Variants in TRPC7 observed in about 807,000 individuals in gnomAD.
TRPC7 encodes the protein short transient receptor potential channel 7.
In TRPC7, 42 loss-of-function variants were observed where a neutral mutation model predicts 90.1. The ratio of observed to expected loss-of-function variants is 0.47; its 90% CI spans 0.36 to 0.60. TRPC7 has a LOEUF of 0.60. Among genes scored for constraint, TRPC7 ranks in the 20% least tolerant of loss-of-function variants. The pLI is 0.00. For missense variants in TRPC7, 955 were observed against 1,112.3 expected (o/e 0.86, Z 2.01); for synonymous variants, 451 against 436.3 (o/e 1.03, Z -0.42).
intron 7 of TRPC7, among the ~76,000 whole-genome samples, chr5:136,232,243 T>C (rs542557433): frequency 5.3e-5 from 8 of 152,298 alleles, no homozygotes; most frequent in Non-Finnish European, 1.0e-4. Context: ...CCATTTCTTC[T>C]CAGACTCCAC....
chr5:136,316,382 TG>T (rs1580946459), intron 2 of TRPC7, among the ~76,000 whole-genome samples: 1 of 152,248 alleles, frequency 6.6e-6, no homozygotes, highest in Non-Finnish European at 1.5e-5. Flanking sequence ...TGTGCTTTTT[TG>T]TGTGCCAGAA....
rs755269044 is a variant in TRPC7, at chr5:136,357,126, T to C, written c.262A>G (p.Asn88Asp). The C allele has an allele frequency of 1.2e-6, 2 of 1,614,154 alleles. No individual in the cohort carries two copies. The highest frequency in any genetic ancestry group is 1.7e-6 in the Non-Finnish European group (2 of 1,180,028). The change falls in exon 2 of 12, where the codon AAC becomes GAC. Residue 88 changes from asparagine to aspartate, a missense_variant. Transcript: ENST00000513104. ...AGCTCCGTGACCTCTAGGTGCTCGT[T>C]GCCCACGGCCAGCTGCAGAGCGTTC... ...GQNALQLAVG[N>D]EHLEVTELLL...
At chr5:136,297,370 C>G (rs1054067269) in intron 3 of TRPC7, among the ~76,000 whole-genome samples, 2 of 151,996 alleles carry the variant, frequency 1.3e-5, no homozygotes, top group Non-Finnish European at 2.9e-5. Flanking sequence ...CAACACCTAT[C>G]AGAAGAAGAG....
intron 3 of TRPC7, among the ~76,000 whole-genome samples, chr5:136,294,689 G>C (rs191587316): frequency 6.6e-6 from 1 of 152,310 alleles, no homozygotes; most frequent in African/African-American, 2.4e-5. Flanking sequence ...TTACACTGTT[G>C]GTGGGACTGT....
At chr5:136,311,276 G>T (rs1297819792) in intron 3 of TRPC7, among the ~76,000 whole-genome samples, 1 of 152,172 alleles carries the variant, frequency 6.6e-6, no homozygotes, top group Non-Finnish European at 1.5e-5. Context: ...GATCATCCCT[G>T]TAAGCCCAGA....
At chr5:136,304,613 T>G (rs1044758974) in intron 3 of TRPC7, among the ~76,000 whole-genome samples, 1 of 152,164 alleles carries the variant, frequency 6.6e-6, no homozygotes, top group Non-Finnish European at 1.5e-5. Flanking sequence ...CTCTCTTTGC[T>G]TTCACTTAGA....
chr5:136,298,383 G>A (rs376275641), intron 3 of TRPC7, among the ~76,000 whole-genome samples: 1 of 152,242 alleles, frequency 6.6e-6, no homozygotes, highest in South Asian at 2.1e-4. Flanking sequence ...GAGTTAGACA[G>A]GGAGGCAAGG....
chr5:136,216,530 T>C (rs1755274671), intron 10 of TRPC7, among the ~76,000 whole-genome samples: 1 of 152,172 alleles, frequency 6.6e-6, no homozygotes, highest in African/African-American at 2.4e-5. Context: ...GGCAGGAAGC[T>C]GAGCCAAGCA....
intron 3 of TRPC7, among the ~76,000 whole-genome samples, chr5:136,286,614 A>G (rs1757728006): frequency 1.3e-5 from 2 of 152,238 alleles, no homozygotes; most frequent in Non-Finnish European, 2.9e-5. Flanking sequence ...TGATGTTAGC[A>G]TAAGAACATC....
At chr5:136,295,821 A>G (rs561085040) in intron 3 of TRPC7, among the ~76,000 whole-genome samples, 1 of 152,212 alleles carries the variant, frequency 6.6e-6, no homozygotes, top group South Asian at 2.1e-4. Flanking sequence ...CTTATTTTCT[A>G]CCTCCAAAAT....
At chr5:136,351,581 C>T (rs2149858294) in intron 2 of TRPC7, among the ~76,000 whole-genome samples, 1 of 152,276 alleles carries the variant, frequency 6.6e-6, no homozygotes, top group East Asian at 1.9e-4. Context: ...TTGTTGTCTC[C>T]CTGGCTGCAC....
intron 1 of TRPC7, among the ~76,000 whole-genome samples, chr5:136,360,297 A>T (rs771807078): frequency 2.0e-5 from 3 of 152,134 alleles, no homozygotes; most frequent in Non-Finnish European, 2.9e-5. Context: ...AAAACAAAAC[A>T]AAACAAAACA....
chr5:136,297,821 A>G (rs1464780505), intron 3 of TRPC7, among the ~76,000 whole-genome samples: 1 of 152,182 alleles, frequency 6.6e-6, no homozygotes, highest in Non-Finnish European at 1.5e-5. Flanking sequence ...CACATCATGG[A>G]CTGCTTTCCT....
rs770047603 is a variant in TRPC7 at position 136,356,875 on chromosome 5, C to A, written c.513G>T (p.Ala171=). Residue 171 remains alanine (A), a synonymous_variant, in exon 2 of 12, where the codon GCG becomes GCT. Coordinates refer to ENST00000513104, the MANE Select transcript of TRPC7 (RefSeq NM_020389.3). ...FSHDITPIIL[A]AHCQEYEIVH... is the part of the protein sequence containing the mutation. ...CGATCTCATACTCCTGGCAGTGCGC[C>A]GCCAGGATGATGGGCGTGATGTCGT... 1 of 1,613,862 alleles carries A rather than the reference C, an allele frequency of 6.2e-7. No individual in the cohort carries two copies. Among genetic ancestry groups the A allele is most frequent in the Non-Finnish European group, 8.5e-7 (1 of 1,179,946 alleles).
chr5:136,269,242 G>A (rs1033362838), intron 4 of TRPC7, among the ~76,000 whole-genome samples: 2 of 152,172 alleles, frequency 1.3e-5, no homozygotes, highest in African/African-American at 4.8e-5. Flanking sequence ...ATTAAAGCTT[G>A]TAGAACTGAA....
Position 136,231,461 on chromosome 5 carries a change from T to C in TRPC7, c.1933A>G (p.Ile645Val). 6.2e-7 allele frequency: 1 copy of C among 1,613,112 alleles called. No homozygotes were observed. The highest frequency in any genetic ancestry group is 8.5e-7 in the Non-Finnish European group (1 of 1,179,462). The change falls in exon 8 of 12, where the codon ATC (isoleucine) becomes GTC (valine). Residue 645 changes from isoleucine to valine, a missense_variant. By Grantham distance (29) the Ile-to-Val change is conservative. Around this residue, in one of 4 missense-constraint regions of TRPC7, gnomAD observed 296 missense variants for 422.7 expected, o/e 0.70. Transcript: ENST00000513104. Reference protein sequence around the residue: ...SVVLKYDHKFIENIGYVLYGV... With the variant: ...SVVLKYDHKFVENIGYVLYGV... ...TAGAGAACGTAGCCAATGTTCTCGA[T>C]GAATTTGTGGTCGTATTTCAGCACC...
intron 5 of TRPC7, among the ~76,000 whole-genome samples, chr5:136,255,712 C>T (rs1421749968): frequency 6.6e-6 from 1 of 152,210 alleles, no homozygotes; most frequent in Non-Finnish European, 1.5e-5. Context: ...ATGTGCTAGG[C>T]ACTGCCATAT....
At chr5:136,225,986 G>A (rs1755614104) in intron 9 of TRPC7, 48 bp downstream of exon 9, 1 of 1,495,118 alleles carries the variant, frequency 6.7e-7, no homozygotes, top group Non-Finnish European at 9.1e-7. Flanking sequence ...AGACTCGCCT[G>A]CCCCCTCCTG....
chr5:136,296,897 G>A (rs1400046657), intron 3 of TRPC7, among the ~76,000 whole-genome samples: 2 of 152,178 alleles, frequency 1.3e-5, no homozygotes, highest in Non-Finnish European at 2.9e-5. Context: ...CAGCCCACAT[G>A]CTGGCCTGGC....
Sources: gnomAD v4.1 joint callset for allele counts (sites outside exome capture counted in the v4.1 genomes callset) on GRCh38, gnomAD v4.1.1 for gene constraint, gnomAD v4.1.1 regional missense constraint, MANE v1.5 for transcripts, NCBI Gene and HGNC (gene_info 2026-07-23, HGNC 2026-07-21) for gene names.